ELMO1: variants seen among roughly 807,000 people sequenced by gnomAD.
ELMO1 encodes the protein engulfment and cell motility 1.
A neutral mutation model predicts 98.9 loss-of-function variants in ELMO1; 26 were observed. That is an observed-to-expected ratio of 0.26 (90% CI 0.19 to 0.36). ELMO1 has a LOEUF of 0.36. ELMO1 is among the 10% of genes least tolerant of loss of function. The pLI is 1.00. For synonymous variants in ELMO1, 346 were observed against 346.0 expected (o/e 1.00, Z 0.00); for missense variants, 627 against 935.2 (o/e 0.67, Z 4.30).
chr7:37,145,860 C>T (rs1787949121), intron 13 of ELMO1, among the ~76,000 whole-genome samples: 1 of 152,174 alleles, frequency 6.6e-6, no homozygotes, highest in Non-Finnish European at 1.5e-5. Flanking sequence ...AAGGCTATTT[C>T]TTGAGGCTGG....
In ELMO1 at chr7:36,864,709, C is replaced by T. The variant is rs116515282; in HGVS notation, c.1906-2973G>A. On this transcript the variant is annotated intron_variant, in intron 20 of 21. Coordinates refer to ENST00000310758, the MANE Select transcript of ELMO1 (RefSeq NM_014800.11). ...TGGAGTAGACTGTCACTGATCTGTG[C>T]CCCCCTCAGGGCCTACTTGCCTCCA... 9.1e-3 allele frequency among the ~76,000 whole-genome samples: 1,393 copies of T among 152,270 alleles called. 20 individuals carry two copies. Among genetic ancestry groups the T allele is most frequent in the African/African-American group, 0.032 (1,317 of 41,532 alleles).
intron 15 of ELMO1, among the ~76,000 whole-genome samples, chr7:37,085,296 T>C (rs1333067437): frequency 6.6e-6 from 1 of 152,166 alleles, no homozygotes; most frequent in Non-Finnish European, 1.5e-5. Flanking sequence ...GCAAAAAGTG[T>C]TTTAAAGACT....
intron 19 of ELMO1, 114 bp downstream of exon 19, chr7:36,877,896 A>G (rs536293284): frequency 3.9e-6 from 3 of 778,576 alleles, no homozygotes; most frequent in African/African-American, 3.5e-5. Context: ...TTACAACTAG[A>G]TGAGATGTGT....
At chr7:37,292,828 G>T (rs1269583405) in intron 4 of ELMO1, among the ~76,000 whole-genome samples, 1 of 112,820 alleles carries the variant, frequency 8.9e-6, no homozygotes, top group African/African-American at 3.2e-5. Context: ...CGCCCTGTCC[G>T]GGAGGTGAGG....
chr7:36,968,614 T>G (rs1789648658), intron 16 of ELMO1, among the ~76,000 whole-genome samples: 1 of 152,202 alleles, frequency 6.6e-6, no homozygotes, highest in Non-Finnish European at 1.5e-5. Context: ...AATTAAATTT[T>G]GTTAATTCTT....
chr7:37,439,836 A>ATATT (rs1238985256), intron 1 of ELMO1, among the ~76,000 whole-genome samples: 1 of 152,208 alleles, frequency 6.6e-6, no homozygotes, highest in African/African-American at 2.4e-5. Context: ...TGATGGAAAC[A>ATATT]TATTCATTCC....
intron 1 of ELMO1, among the ~76,000 whole-genome samples, chr7:37,364,640 C>T (rs972008486): frequency 1.3e-5 from 2 of 150,320 alleles, no homozygotes; most frequent in African/African-American, 4.9e-5. Flanking sequence ...AAATTCAACT[C>T]AAAACCAAAT....
chr7:36,865,291 G>A (rs527736108), intron 20 of ELMO1, among the ~76,000 whole-genome samples: 2 of 152,192 alleles, frequency 1.3e-5, no homozygotes, highest in African/African-American at 2.4e-5. Context: ...CGGCATGTGT[G>A]TGGGTGTTAA....
intron 1 of ELMO1, among the ~76,000 whole-genome samples, chr7:37,359,336 T>C (rs990177020): frequency 6.6e-6 from 1 of 152,214 alleles, no homozygotes; most frequent in African/African-American, 2.4e-5. Context: ...TAATCCTAGT[T>C]TCACTACCTC....
At chr7:36,925,371 G>GC in intron 16 of ELMO1, among the ~76,000 whole-genome samples, 1 of 152,308 alleles carries the variant, frequency 6.6e-6, no homozygotes, top group East Asian at 1.9e-4. Flanking sequence ...ATAGCTCCCA[G>GC]CCCCTCAGAT....
chr7:37,000,536 T>G (rs957474642), intron 16 of ELMO1, among the ~76,000 whole-genome samples: 4 of 152,054 alleles, frequency 2.6e-5, no homozygotes, highest in Admixed American at 2.6e-4. Context: ...ATGCATTTTT[T>G]CCCCCCAATT....
intron 16 of ELMO1, among the ~76,000 whole-genome samples, chr7:36,924,792 T>C (rs1785408506): frequency 6.6e-6 from 1 of 151,908 alleles, no homozygotes; most frequent in African/African-American, 2.4e-5. Flanking sequence ...GGAAGGCAGG[T>C]GGGCACAAGA....
At chr7:36,975,680 C>T (rs1053015909) in intron 16 of ELMO1, among the ~76,000 whole-genome samples, 6 of 150,110 alleles carry the variant, frequency 4.0e-5, no homozygotes, top group African/African-American at 1.5e-4. Context: ...AACCGCGTCT[C>T]TACTAAAAAT....
intron 16 of ELMO1, among the ~76,000 whole-genome samples, chr7:37,009,435 C>T (rs568257210): frequency 3.5e-4 from 53 of 152,212 alleles, no homozygotes; most frequent in Non-Finnish European, 6.8e-4. Flanking sequence ...CCATCTGCTG[C>T]TTCCCAAGCC....
intron 8 of ELMO1, among the ~76,000 whole-genome samples, chr7:37,225,552 C>T (rs890622707): frequency 2.0e-5 from 3 of 152,194 alleles, no homozygotes; most frequent in Non-Finnish European, 2.9e-5. Context: ...TCTCAGTCAC[C>T]GGCCACTCTC....
intron 14 of ELMO1, among the ~76,000 whole-genome samples, chr7:37,130,907 G>A (rs1299602892): frequency 1.3e-5 from 2 of 152,108 alleles, no homozygotes; most frequent in African/African-American, 4.8e-5. Context: ...TGCATTCATA[G>A]AGAAGATATA....
chr7:37,017,654 A>C (rs573214752), intron 15 of ELMO1, among the ~76,000 whole-genome samples: 1 of 152,354 alleles, frequency 6.6e-6, no homozygotes, highest in East Asian at 1.9e-4. Context: ...TTTTGTCAGC[A>C]TAAAAATGAG....
intron 16 of ELMO1, among the ~76,000 whole-genome samples, chr7:36,939,201 T>C (rs561169306): frequency 6.0e-4 from 90 of 150,168 alleles, no homozygotes; most frequent in African/African-American, 2.2e-3. Context: ...AGCCACAGCA[T>C]ACAAAGGCCA....
intron 16 of ELMO1, among the ~76,000 whole-genome samples, chr7:36,920,311 C>T (rs1336284498): frequency 3.9e-5 from 6 of 152,166 alleles, no homozygotes; most frequent in African/African-American, 1.4e-4. Context: ...GGACTGTTGC[C>T]CCATGCAAGC....
Sources: allele counts gnomAD v4.1 joint callset (sites outside exome capture counted in the v4.1 genomes callset), GRCh38; gene constraint gnomAD v4.1.1; transcripts MANE v1.5; gene names NCBI Gene and HGNC (gene_info 2026-07-23, HGNC 2026-07-21).